ATRN: variants seen among roughly 807,000 people sequenced by gnomAD.
ATRN encodes the protein attractin-2.
In ATRN, 54 loss-of-function variants were observed where a neutral mutation model predicts 178.7. That is an observed-to-expected ratio of 0.30 (90% CI 0.24 to 0.38). The LOEUF (loss-of-function observed/expected upper bound fraction) is 0.38, where lower values mean the gene tolerates loss of function less well. ATRN is among the 10% of genes least tolerant of loss of function. ATRN has a pLI of 1.00. For synonymous variants in ATRN, 636 were observed against 663.0 expected (o/e 0.96, Z 0.63); for missense variants, 1,443 against 1,815.1 (o/e 0.79, Z 3.73).
chr20:3,542,774 G>A (rs947283208), intron 3 of ATRN, among the ~76,000 whole-genome samples: 3 of 150,770 alleles, frequency 2.0e-5, no homozygotes, highest in African/African-American at 7.3e-5. Flanking sequence ...CCACAAAAAT[G>A]CAACACTATG....
intron 1 of ATRN, among the ~76,000 whole-genome samples, chr20:3,515,894 T>C (rs2085199720): frequency 6.6e-6 from 1 of 152,184 alleles, no homozygotes; most frequent in Non-Finnish European, 1.5e-5. Context: ...ATTTATCCTT[T>C]GTAACTAGAG....
chr20:3,539,789 T>C (rs2085593194), intron 2 of ATRN, among the ~76,000 whole-genome samples: 1 of 152,094 alleles, frequency 6.6e-6, no homozygotes, highest in South Asian at 2.1e-4. Flanking sequence ...GGTTCAATCT[T>C]AGAGCAGATA....
In ATRN at chr20:3,615,809, C is replaced by T. The variant is rs781726041; in HGVS notation, c.3802-8702C>T. On this transcript the variant is annotated intron_variant, in intron 24 of 28. Coordinates refer to ENST00000262919, the MANE Select transcript of ATRN (RefSeq NM_139321.3). ...ATCGCAAGGACAAAAAACTGAACAC[C>T]GCTTGTTCTCATTCATAGGTGCAAA... is the stretch of plus-strand genomic sequence containing the variant. 5.1e-5 allele frequency: 23 copies of T among 454,764 alleles called. No individual in the cohort carries two copies. In the East Asian group the frequency reaches 6.3e-4, roughly 13 times the overall value. 28.2% of individuals were successfully genotyped at this position (454,764 alleles called of 1,614,324 possible).
At chr20:3,575,785 A>G (rs777920367) in intron 12 of ATRN, 42 bp from the exon 13 acceptor site, 8 of 1,565,314 alleles carry the variant, frequency 5.1e-6, no homozygotes, top group Admixed American at 1.8e-5. Flanking sequence ...ATTTTGCTCA[A>G]TTGAAGTTGT....
At position 3,638,138 on chromosome 20, in the gene ATRN, T is replaced by C. The variant is rs1468809718; in HGVS notation, c.3943-690T>C. On this transcript the variant is annotated intron_variant, in intron 26 of 28. Coordinates refer to ENST00000262919, the MANE Select transcript of ATRN (RefSeq NM_139321.3). The surrounding 1 kb of genome is among the most constrained non-coding windows in gnomAD (Gnocchi z 4.5). ...TTATCTTTATTTTCTTATTTTACTT[T>C]AAGTTCTGGGATACATGTACAGAAC... Among the ~76,000 whole-genome samples the C allele has an allele frequency of 6.6e-6, 1 of 152,228 alleles. No homozygotes were observed. Among genetic ancestry groups the C allele is most frequent in the Non-Finnish European group, 1.5e-5 (1 of 68,046 alleles).
Position 3,547,307 on chromosome 20 carries a change from G to T in ATRN, c.761G>T (p.Cys254Phe), listed in dbSNP as rs2085718026. 6.2e-7 allele frequency: 1 copy of T among 1,613,986 alleles called. No individual in the cohort carries two copies. The highest frequency in any genetic ancestry group is 1.1e-5 in the South Asian group (1 of 91,076). ...TYSFDMCPNN[C>F]SGRGECKISN... ...AGTTTTGATATGTGTCCAAATAACT[G>T]CTCAGGCCGAGGAGAGTGTAAGATC... The change falls in exon 5 of 29, where the codon TGC becomes TTC. Residue 254 changes from cysteine (C) to phenylalanine (F), a missense_variant. By Grantham distance (205) the Cys-to-Phe change is radical. This residue lies in a region of ATRN where 862 missense variants were observed against 972.1 expected (regional missense o/e 0.89). Transcript: ENST00000262919.
intron 24 of ATRN, among the ~76,000 whole-genome samples, chr20:3,618,073 T>C (rs555020255): frequency 2.0e-5 from 3 of 152,352 alleles, no homozygotes; most frequent in Non-Finnish European, 2.9e-5. Context: ...CATTGTCTTC[T>C]GATCTTGTAG....
chr20:3,634,197 G>C (rs1457255071), intron 25 of ATRN, 114 bp from the exon 26 acceptor site: 2 of 836,244 alleles, frequency 2.4e-6, no homozygotes, highest in African/African-American at 1.7e-5. Flanking sequence ...CATCAGAAGG[G>C]AGCCCGGAGG....
At chr20:3,592,514 T>A (rs2146273945) in intron 19 of ATRN, 1 of 973,932 alleles carries the variant, frequency 1.0e-6, no homozygotes, top group East Asian at 1.1e-4. Context: ...ACAAGTGATA[T>A]TAATGAACTG....
At chr20:3,616,129 G>A (rs1174392578) in intron 24 of ATRN, among the ~76,000 whole-genome samples, 1 of 151,856 alleles carries the variant, frequency 6.6e-6, no homozygotes, top group East Asian at 1.9e-4. Flanking sequence ...TCTCTTGTCA[G>A]CTCTTTAATG....
chr20:3,491,864 A>T (rs2084798658), intron 1 of ATRN, among the ~76,000 whole-genome samples: 1 of 152,054 alleles, frequency 6.6e-6, no homozygotes, highest in Non-Finnish European at 1.5e-5. Flanking sequence ...AAATAACCAT[A>T]AAAAATTTCT....
At chr20:3,606,704 G>A (rs540862674) in intron 24 of ATRN, among the ~76,000 whole-genome samples, 92 of 152,306 alleles carry the variant, frequency 6.0e-4, no homozygotes, top group African/African-American at 2.0e-3. Flanking sequence ...TGAGCATGAC[G>A]TATTATTTCC....
chr20:3,487,767 G>T (rs2084716392), intron 1 of ATRN, among the ~76,000 whole-genome samples: 1 of 152,108 alleles, frequency 6.6e-6, no homozygotes, highest in African/African-American at 2.4e-5. Flanking sequence ...CCCAAGTGAG[G>T]GTGGTATGTA....
At chr20:3,613,229 C>T (rs17710422) in intron 24 of ATRN, among the ~76,000 whole-genome samples, 17,747 of 152,138 alleles carry the variant, frequency 0.12, 1,315 homozygotes, top group Non-Finnish European at 0.16. Flanking sequence ...TCCTTGAAAA[C>T]GCAGGTAAGT....
intron 24 of ATRN, among the ~76,000 whole-genome samples, chr20:3,612,937 C>T (rs79795182): frequency 0.043 from 6,532 of 152,206 alleles, 190 homozygotes; most frequent in Non-Finnish European, 0.063. Context: ...TTGCCAATGC[C>T]GAGTTTTTTT....
At chr20:3,567,012 T>C (rs1216499035) in intron 11 of ATRN, among the ~76,000 whole-genome samples, 1 of 152,004 alleles carries the variant, frequency 6.6e-6, no homozygotes, top group Non-Finnish European at 1.5e-5. Flanking sequence ...AAAGGTGCTA[T>C]CTTATATAAG....
At chr20:3,507,053 GT>G (rs1042386520) in intron 1 of ATRN, among the ~76,000 whole-genome samples, 204 of 138,556 alleles carry the variant, frequency 1.5e-3, no homozygotes, top group Admixed American at 1.4e-3. Context: ...GGGAGGTTTT[GT>G]TTTTTTTTTT....
rs745653334 is a variant in ATRN, at chr20:3,638,885, G to A, written c.4000G>A (p.Ala1334Thr). Residue 1334 changes from alanine to threonine, a missense_variant, in exon 27 of 29, where the codon GCC (alanine) becomes ACC (threonine). Around this residue, in one of 4 missense-constraint regions of ATRN, gnomAD observed 289 missense variants for 440.8 expected, o/e 0.66. Coordinates refer to ENST00000262919, the MANE Select transcript of ATRN (RefSeq NM_139321.3). This position sits in a 1 kb window ranked among gnomAD's most constrained non-coding sequence, Gnocchi z 4.5. Reference protein sequence around the residue: ...ASRPFASVNVALETDEEPPDL... With the variant: ...ASRPFASVNVTLETDEEPPDL... ...CCGTCCCTTTGCCTCTGTAAATGTC[G>A]CCTTGGAAACAGATGAGGAGCCTCC... is the stretch of plus-strand genomic sequence containing the variant. The A allele has an allele frequency of 1.2e-5, 20 of 1,613,972 alleles. No individual in the cohort carries two copies. The highest frequency in any genetic ancestry group is 2.7e-5 in the African/African-American group (2 of 74,892).
intron 1 of ATRN, among the ~76,000 whole-genome samples, chr20:3,508,020 A>C (rs1162812510): frequency 6.6e-6 from 1 of 151,918 alleles, no homozygotes; most frequent in African/African-American, 2.4e-5. Context: ...AAAATCTTAA[A>C]GCAACCAGTG....
Sources: allele counts gnomAD v4.1 joint callset (sites outside exome capture counted in the v4.1 genomes callset), GRCh38; gene constraint gnomAD v4.1.1; regional missense constraint gnomAD v4.1.1; non-coding constraint Gnocchi (gnomAD v3.1); transcripts MANE v1.5; gene names NCBI Gene and HGNC (gene_info 2026-07-23, HGNC 2026-07-21).